Variants in CRHR1 observed in about 807,000 individuals in gnomAD.
The protein encoded by CRHR1 is corticotropin releasing hormone receptor 1.
CRHR1 carries 28 observed loss-of-function variants against 56.0 expected under a neutral mutation model. That is an observed-to-expected ratio of 0.50 (90% CI 0.37 to 0.69). CRHR1 has a LOEUF of 0.69. Among genes scored for constraint, CRHR1 ranks in the 30% least tolerant of loss-of-function variants. The probability of loss-of-function intolerance (pLI) is 0.00; values close to 1 mark genes in which losing one functional copy is unlikely to be tolerated. For missense variants in CRHR1, 376 were observed against 548.0 expected, an observed-to-expected ratio of 0.69 and a Z score of 3.13; for synonymous variants, 195 against 216.5, an observed-to-expected ratio of 0.90 and a Z score of 0.87.
chr17:45,784,639 G>A lies in CRHR1; in HGVS notation c.33+62G>A, dbSNP rs990912763. 5.6e-5 allele frequency: 83 copies of A among 1,493,438 alleles called. No homozygotes were observed. The African/African-American group carries it at 1.1e-3, about 20-fold the overall frequency. The allele number at this position is 1,493,438 out of a possible 1,614,324, so 92.5% of individuals were successfully genotyped here. On this transcript the variant is annotated intron_variant, in intron 1 of 12. Coordinates refer to ENST00000314537, the MANE Select transcript of CRHR1 (RefSeq NM_004382.5). This position sits in a 1 kb window ranked among gnomAD's most constrained non-coding sequence, Gnocchi z 4.2. ...CCCCGGCCCCTGGCGGACGCGGGAC[G>A]GGGCTGGGCTGTGGGTGTGATGGGG...
At chr17:45,801,227 T>C (rs539837814) in intron 1 of CRHR1, among the ~76,000 whole-genome samples, 11 of 152,296 alleles carry the variant, frequency 7.2e-5, no homozygotes, top group Middle Eastern at 3.4e-3. Context: ...GCCCATCCCT[T>C]CTTCCAAGGC....
chr17:45,833,693 T>TGGGGGGGGGGCCG, intron 10 of CRHR1, 21 bp from the exon 11 acceptor site: 2 of 1,571,618 alleles, frequency 1.3e-6, no homozygotes, highest in Non-Finnish European at 1.7e-6. Context: ...ACTCCGAGCC[T>TGGGGGGGGGGCCG]CCCCACCCGC....
intron 2 of CRHR1, among the ~76,000 whole-genome samples, chr17:45,808,880 T>C (rs1286957161): frequency 2.0e-5 from 3 of 152,208 alleles, no homozygotes; most frequent in Non-Finnish European, 4.4e-5. Flanking sequence ...GGCACAATCA[T>C]AGCTCACTGC....
At chr17:45,804,748 G>A (rs1040898690) in intron 1 of CRHR1, among the ~76,000 whole-genome samples, 4 of 151,984 alleles carry the variant, frequency 2.6e-5, no homozygotes, top group South Asian at 2.1e-4. Context: ...GGAAGATGGC[G>A]CATGAGTGGG....
Position 45,789,972 on chromosome 17 carries a change from G to A in CRHR1, c.33+5395G>A, listed in dbSNP as rs563642307. On this transcript the variant is annotated intron_variant, in intron 1 of 12. Transcript: ENST00000314537. ...CACAGTAAGTGCATAATAAATATTA[G>A]CTATAGTAGTCACTTAATAAATCTT... 3.3e-5 allele frequency among the ~76,000 whole-genome samples: 5 copies of A among 152,346 alleles called. No homozygotes were observed. In the East Asian group the frequency reaches 9.6e-4, roughly 29 times the overall value.
At chr17:45,833,693 T>TGGGCCCCCCCCC in intron 10 of CRHR1, 21 bp from the exon 11 acceptor site, 1 of 1,571,608 alleles carries the variant, frequency 6.4e-7, no homozygotes, top group Non-Finnish European at 8.7e-7. Context: ...ACTCCGAGCC[T>TGGGCCCCCCCCC]CCCCACCCGC....
rs1797598731 is a variant in CRHR1 at position 45,835,192 on chromosome 17, A to T, written c.*428A>T. Reference sequence around the variant, plus strand: ...CCTGGGGCATCATGGGCAACTCGTGACAGCCTCTGACTCACCACGATGACG... The same window carrying T: ...CCTGGGGCATCATGGGCAACTCGTGTCAGCCTCTGACTCACCACGATGACG... On this transcript the variant is annotated 3_prime_UTR_variant, in exon 13 of 13. Transcript: ENST00000314537. 1 of 185,936 alleles carries T rather than the reference A, an allele frequency of 5.4e-6. No individual in the cohort carries two copies. Among genetic ancestry groups the T allele is most frequent in the Non-Finnish European group, 1.1e-5 (1 of 89,918 alleles). 11.5% of individuals were successfully genotyped at this position (185,936 alleles called of 1,614,324 possible).
At position 45,821,553 on chromosome 17, in the gene CRHR1, C is replaced by G. The variant is rs543902237; in HGVS notation, c.327+113C>G. On this transcript the variant is annotated intron_variant, in intron 4 of 12. Coordinates refer to ENST00000314537, the MANE Select transcript of CRHR1 (RefSeq NM_004382.5). ...GCCAGAGGCTAATGTCAAGGCCCTG[C>G]TCTAGTGAAGCTGACTGGGGAGCTG... 1.2e-5 allele frequency: 12 copies of G among 1,017,920 alleles called. No individual in the cohort carries two copies. The East Asian group carries it at 3.0e-4, about 25-fold the overall frequency. The allele number at this position is 1,017,920 out of a possible 1,614,324, so 63.1% of individuals were successfully genotyped here.
At chr17:45,821,619 G>A (rs1014375403) in intron 4 of CRHR1, among the ~76,000 whole-genome samples, 179 bp downstream of exon 4, 2 of 152,242 alleles carry the variant, frequency 1.3e-5, no homozygotes, top group African/African-American at 2.4e-5. Context: ...AGGCGCCCTC[G>A]AGGGCAGGCT....
chr17:45,807,894 G>A (rs191917463), intron 2 of CRHR1, among the ~76,000 whole-genome samples: 7 of 152,338 alleles, frequency 4.6e-5, no homozygotes, highest in Admixed American at 2.6e-4. Flanking sequence ...CATGCAGCCA[G>A]TACATGGCAG....
At chr17:45,829,648 G>A (rs1329714964) in intron 5 of CRHR1, 1 of 1,550,890 alleles carries the variant, frequency 6.4e-7, no homozygotes, top group Non-Finnish European at 8.7e-7. Context: ...AGGTTCGAAG[G>A]TACCTGGGCC....
At chr17:45,816,686 C>A (rs2061935975) in intron 3 of CRHR1, 104 bp downstream of exon 3, 4 of 1,536,408 alleles carry the variant, frequency 2.6e-6, no homozygotes, top group South Asian at 2.4e-5. Context: ...AACAGTAATA[C>A]CTCTTGTGGG....
At chr17:45,814,088 T>C (rs1333789367) in intron 2 of CRHR1, among the ~76,000 whole-genome samples, 1 of 152,124 alleles carries the variant, frequency 6.6e-6, no homozygotes, top group Non-Finnish European at 1.5e-5. Context: ...GCAAGAAGAC[T>C]GGCCGGGGAA....
At chr17:45,797,321 C>T (rs1300584228) in intron 1 of CRHR1, among the ~76,000 whole-genome samples, 3 of 118,184 alleles carry the variant, frequency 2.5e-5, no homozygotes, top group Admixed American at 1.1e-4. Flanking sequence ...GACGGAGTCT[C>T]GCTGTGTCAC....
intron 10 of CRHR1, 33 bp from the exon 11 acceptor site, chr17:45,833,681 T>C: frequency 6.2e-7 from 1 of 1,601,386 alleles, no homozygotes. Context: ...GGGTGGGCTG[T>C]GACTCCGAGC....
chr17:45,807,148 C>G lies in CRHR1; in HGVS notation c.121+51C>G, dbSNP rs1598415202. 3 of 1,527,580 alleles carry G rather than the reference C, an allele frequency of 2.0e-6. No individual in the cohort carries two copies. The Admixed American group carries it at 5.1e-5, about 26-fold the overall frequency. 94.6% of individuals were successfully genotyped at this position (1,527,580 alleles called of 1,614,324 possible). On this transcript the variant is annotated intron_variant, in intron 2 of 12. Coordinates refer to ENST00000314537, the MANE Select transcript of CRHR1 (RefSeq NM_004382.5). ...AAGATTCCTGGTCACCACAATGCCC[C>G]CTACCCCAGGTATCCCAGAGCCTGC...
At chr17:45,818,148 C>G (rs911076908) in intron 3 of CRHR1, among the ~76,000 whole-genome samples, 3 of 152,188 alleles carry the variant, frequency 2.0e-5, no homozygotes, top group African/African-American at 4.8e-5. Flanking sequence ...TACCTGCCCC[C>G]ACTCCCCAGC....
At chr17:45,795,940 A>G (rs1401608462) in intron 1 of CRHR1, among the ~76,000 whole-genome samples, 1 of 152,188 alleles carries the variant, frequency 6.6e-6, no homozygotes, top group African/African-American at 2.4e-5. Context: ...CTTTGGCCTT[A>G]GAAGGCAGTC....
At chr17:45,802,521 G>A (rs1885314020) in intron 1 of CRHR1, among the ~76,000 whole-genome samples, 1 of 152,122 alleles carries the variant, frequency 6.6e-6, no homozygotes, top group Non-Finnish European at 1.5e-5. Context: ...GGAAATCTCT[G>A]GACTTTTCAT....
Sources: gnomAD v4.1 joint callset for allele counts (sites outside exome capture counted in the v4.1 genomes callset) on GRCh38, gnomAD v4.1.1 for gene constraint, Gnocchi (gnomAD v3.1) non-coding constraint, MANE v1.5 for transcripts, NCBI Gene and HGNC (gene_info 2026-07-23, HGNC 2026-07-21) for gene names.